MYO18B: variants seen among roughly 807,000 people sequenced by gnomAD.
MYO18B encodes the protein unconventional myosin-XVIIIb.
A neutral mutation model predicts 273.0 loss-of-function variants in MYO18B; 204 were observed. The observed-to-expected ratio is 0.75, with a 90% CI of 0.67 to 0.84. The LOEUF is 0.84. MYO18B is among the 40% of genes least tolerant of loss of function. The probability of loss-of-function intolerance (pLI) is 0.00; values close to 1 mark genes in which losing one functional copy is unlikely to be tolerated. For missense variants in MYO18B, 3,212 were observed against 3,287.6 expected (o/e 0.98, Z 0.56); for synonymous variants, 1,330 against 1,305.7 (o/e 1.02, Z -0.40).
chr22:25,960,990 GAGAA>G (rs1011422244), intron 39 of MYO18B, among the ~76,000 whole-genome samples: 18 of 151,926 alleles, frequency 1.2e-4, no homozygotes, highest in Non-Finnish European at 2.2e-4. Flanking sequence ...CTCTATGAAA[GAGAA>G]AGAGAGAGAG....
the MYO18B span, among the ~76,000 whole-genome samples, chr22:26,037,559 C>T: frequency 6.6e-6 from 1 of 152,210 alleles, no homozygotes; most frequent in Non-Finnish European, 1.5e-5. Flanking sequence ...CAAAGATTTC[C>T]CTGCACTAGC....
intron 39 of MYO18B, chr22:25,963,947 C>A (rs2092948290): frequency 6.6e-6 from 1 of 152,168 alleles, no homozygotes; most frequent in Non-Finnish European, 1.5e-5. Context: ...AGCTCCACAT[C>A]CATGCAGTGC....
At chr22:25,982,058 G>A (rs114185805) in intron 39 of MYO18B, among the ~76,000 whole-genome samples, 1,766 of 152,302 alleles carry the variant, frequency 0.012, 36 homozygotes, top group African/African-American at 0.04. Context: ...GCAGGAGGAA[G>A]AGAGAAAAGG....
At chr22:25,944,893 G>A (rs980965843) in intron 34 of MYO18B, among the ~76,000 whole-genome samples, 1 of 151,370 alleles carries the variant, frequency 6.6e-6, no homozygotes, top group Non-Finnish European at 1.5e-5. Flanking sequence ...AGAGGCAGCT[G>A]CCAACTGCAG....
At chr22:25,811,569 G>C (rs2088762359) in intron 12 of MYO18B, among the ~76,000 whole-genome samples, 1 of 152,156 alleles carries the variant, frequency 6.6e-6, no homozygotes, top group Non-Finnish European at 1.5e-5. Flanking sequence ...TTAAGTGGTT[G>C]GTTATTGCTT....
At chr22:25,763,152 C>T in intron 2 of MYO18B, 79 bp from the exon 3 acceptor site, 1 of 1,547,004 alleles carries the variant, frequency 6.5e-7, no homozygotes, top group African/African-American at 1.5e-5. Flanking sequence ...CTCCCAGGCT[C>T]CATCACAAAC....
intron 3 of MYO18B, among the ~76,000 whole-genome samples, chr22:25,767,721 TG>T (rs1407146493): frequency 6.6e-6 from 1 of 152,242 alleles, no homozygotes; most frequent in African/African-American, 2.4e-5. Context: ...CACTATGCGC[TG>T]GGCTCAGTTT....
intron 42 of MYO18B, among the ~76,000 whole-genome samples, chr22:26,011,465 G>A (rs1167342984): frequency 6.6e-6 from 1 of 152,204 alleles, no homozygotes; most frequent in African/African-American, 2.4e-5. Context: ...GCAGGAGAAT[G>A]AGGACTTGGT....
intron 1 of MYO18B, chr22:25,756,768 T>A (rs867610069): frequency 2.0e-5 from 3 of 152,224 alleles, no homozygotes; most frequent in Non-Finnish European, 4.4e-5. Context: ...TATTTGAAAC[T>A]ATATATTGTT....
intron 34 of MYO18B, among the ~76,000 whole-genome samples, chr22:25,941,032 T>C (rs901739412): frequency 1.3e-5 from 2 of 152,206 alleles, no homozygotes; most frequent in Non-Finnish European, 2.9e-5. Flanking sequence ...CGGAGGAAGG[T>C]GCTTTTTCTA....
rs142352734 is a variant in MYO18B, at chr22:25,960,734, C to G, written c.6156+5370C>G. Among the ~76,000 whole-genome samples the G allele has an allele frequency of 4.7e-3, 719 of 152,326 alleles. 8 individuals carry two copies. The highest frequency in any genetic ancestry group is 0.021 in the South Asian group (102 of 4,826). On this transcript the variant is annotated intron_variant, in intron 39 of 43. Coordinates refer to ENST00000335473, the MANE Select transcript of MYO18B (RefSeq NM_032608.7). ...TATCTTTATTTAAGCATCATCCCCT[C>G]CAGTCTGGGCTTCTATAGTGACTCC...
intron 12 of MYO18B, among the ~76,000 whole-genome samples, chr22:25,814,926 C>A (rs977475019): frequency 6.6e-6 from 1 of 152,194 alleles, no homozygotes; most frequent in Admixed American, 6.5e-5. Context: ...AGGTCATGGA[C>A]ATAGGGAGGG....
intron 12 of MYO18B, among the ~76,000 whole-genome samples, chr22:25,804,906 TCTGGTTCACCTAGGATGTCCATG>T (rs2088397160): frequency 6.6e-6 from 1 of 152,204 alleles, no homozygotes; most frequent in African/African-American, 2.4e-5. Context: ...CCCCTAATTG[TCTGGTTCACCTAGGATGTCCATG>T]CTGCGCAAAA....
At chr22:25,762,145 G>A (rs2086344623) in intron 2 of MYO18B, among the ~76,000 whole-genome samples, 1 of 152,146 alleles carries the variant, frequency 6.6e-6, no homozygotes, top group East Asian at 1.9e-4. Context: ...CACTTATGAA[G>A]TGTCTTTCAG....
Position 25,952,433 on chromosome 22 carries a change from G to A in MYO18B, c.5970+10G>A. On this transcript the variant is annotated intron_variant, in intron 38 of 43. Transcript: ENST00000335473. ...GATTAAGAGATTTGAGGTACGTAGT[G>A]ATTCATAAATAGTGCCTGGGCCAAG... The A allele has an allele frequency of 3.1e-6, 5 of 1,612,650 alleles. No homozygotes were observed. Among genetic ancestry groups the A allele is most frequent in the African/African-American group, 1.3e-5 (1 of 75,028 alleles).
intron 34 of MYO18B, among the ~76,000 whole-genome samples, chr22:25,922,327 A>C (rs992519480): frequency 6.6e-6 from 1 of 151,916 alleles, no homozygotes; most frequent in African/African-American, 2.4e-5. Context: ...ACCTAAGGAG[A>C]TGTGATGAGT....
At chr22:26,039,141 A>T in the MYO18B span, among the ~76,000 whole-genome samples, 1 of 152,168 alleles carries the variant, frequency 6.6e-6, no homozygotes, top group Non-Finnish European at 1.5e-5. Context: ...GTGCTCTGGC[A>T]GCTGATTAGA....
At chr22:26,053,875 T>C in the MYO18B span, among the ~76,000 whole-genome samples, 2 of 152,050 alleles carry the variant, frequency 1.3e-5, no homozygotes, top group South Asian at 4.2e-4. Flanking sequence ...ATGTGAGAAA[T>C]CTTTGATGGG....
intron 12 of MYO18B, among the ~76,000 whole-genome samples, chr22:25,821,825 T>G (rs141337090): frequency 6.6e-6 from 1 of 152,252 alleles, no homozygotes; most frequent in African/African-American, 2.4e-5. Flanking sequence ...AGTCATTTAT[T>G]TTTCTATGGA....
Sources: allele counts gnomAD v4.1 joint callset (sites outside exome capture counted in the v4.1 genomes callset), GRCh38; gene constraint gnomAD v4.1.1; transcripts MANE v1.5; gene names NCBI Gene and HGNC (gene_info 2026-07-23, HGNC 2026-07-21).